The following MAEA variants were observed in gnomAD, a reference collection of about 807,000 sequenced individuals.
MAEA encodes E3 ubiquitin-protein transferase MAEA.
A neutral mutation model predicts 46.2 loss-of-function variants in MAEA; 22 were observed. The ratio of observed to expected loss-of-function variants is 0.48; its 90% CI spans 0.34 to 0.68. The LOEUF (loss-of-function observed/expected upper bound fraction) is 0.68. Among genes scored for constraint, MAEA ranks in the 30% least tolerant of loss-of-function variants. MAEA has a pLI of 0.01. For missense variants in MAEA, 393 were observed against 558.1 expected (o/e 0.70, Z 2.98); for synonymous variants, 246 against 222.6 (o/e 1.11, Z -0.94).
rs1017452694 is a variant in MAEA, at chr4:1,330,078, C to T, written c.656+2375C>T. 2.1e-5 allele frequency: 21 copies of T among 985,396 alleles called. No individual in the cohort carries two copies. The African/African-American group carries it at 3.0e-4, about 14-fold the overall frequency. 61.0% of individuals were successfully genotyped at this position (985,396 alleles called of 1,614,324 possible). ...TCGTTGGCTGGGGTGGCTGCAGCTC[C>T]GCCCTGCCTGGGGCATTTGTGGGTT... On this transcript the variant is annotated intron_variant, in intron 5 of 8. Coordinates refer to ENST00000303400, the MANE Select transcript of MAEA (RefSeq NM_001017405.3).
In MAEA at chr4:1,307,916, G is replaced by A. The variant is rs1735991813; in HGVS notation, c.70-4063G>A. ...AGTCTCCTCTGGAAACACCCGCACA[G>A]GCACACCCAGAAGTAATGCTTCACA... On this transcript the variant is annotated intron_variant, in intron 1 of 8. Transcript: ENST00000303400. 2.6e-5 allele frequency among the ~76,000 whole-genome samples: 4 copies of A among 152,090 alleles called. No individual in the cohort carries two copies. In the South Asian group the frequency reaches 8.3e-4, roughly 32 times the overall value.
rs1391911987 is a variant in MAEA, at chr4:1,325,313, G to A, written c.580-2314G>A. 3.3e-5 allele frequency among the ~76,000 whole-genome samples: 5 copies of A among 152,224 alleles called. No individual in the cohort carries two copies. In the South Asian group the frequency reaches 1.0e-3, roughly 31 times the overall value. ...TGATTTGTTTGCTGCACGTCTGTGC[G>A]AAAGCCACACGGAGCCATCAGTGTG... On this transcript the variant is annotated intron_variant, in intron 4 of 8. Transcript: ENST00000303400.
At chr4:1,328,334 G>A (rs924967917) in intron 5 of MAEA, among the ~76,000 whole-genome samples, 2 of 152,204 alleles carry the variant, frequency 1.3e-5, no homozygotes, top group African/African-American at 4.8e-5. Context: ...CTGGCTTCCC[G>A]CTGGCTCCCC....
chr4:1,328,059 G>A (rs6838028), intron 5 of MAEA, among the ~76,000 whole-genome samples: 1 of 152,256 alleles, frequency 6.6e-6, no homozygotes, highest in Non-Finnish European at 1.5e-5. Context: ...AGCCTCAGTA[G>A]ATGGGAGTGT....
intron 2 of MAEA, 48 bp from the exon 3 acceptor site, chr4:1,315,349 C>T (rs761531941): frequency 1.1e-5 from 17 of 1,560,146 alleles, no homozygotes; most frequent in South Asian, 2.2e-5. Context: ...TGGTGCAGGG[C>T]TGCGGGGCAT....
chr4:1,328,599 C>G (rs1739141476), intron 5 of MAEA: 1 of 1,210,824 alleles, frequency 8.3e-7, no homozygotes, highest in Admixed American at 3.0e-5. Context: ...TCCATGCCCA[C>G]AGAAACCCGA....
intron 1 of MAEA, among the ~76,000 whole-genome samples, chr4:1,301,698 A>G (rs1735334542): frequency 6.7e-6 from 1 of 149,590 alleles, no homozygotes; most frequent in Admixed American, 6.7e-5. Context: ...GACGCCCTAT[A>G]TGAATGAATG....
intron 2 of MAEA, among the ~76,000 whole-genome samples, chr4:1,312,759 C>T (rs1212049158): frequency 1.3e-5 from 2 of 152,122 alleles, no homozygotes; most frequent in Non-Finnish European, 2.9e-5. Flanking sequence ...AATTTCACCT[C>T]CAAGGAGCAT....
At chr4:1,294,225 C>G (rs1214774713) in intron 1 of MAEA, among the ~76,000 whole-genome samples, 1 of 152,222 alleles carries the variant, frequency 6.6e-6, no homozygotes, top group African/African-American at 2.4e-5. Flanking sequence ...CTCCACTCCC[C>G]TCGCCTCTCC....
intron 6 of MAEA, among the ~76,000 whole-genome samples, chr4:1,336,361 C>T (rs1047924400): frequency 1.3e-5 from 2 of 152,020 alleles, no homozygotes; most frequent in Non-Finnish European, 2.9e-5. Flanking sequence ...AGCACTCCCC[C>T]GACAGTGTGT....
intron 3 of MAEA, among the ~76,000 whole-genome samples, chr4:1,319,349 T>C (rs1737712179): frequency 6.6e-6 from 1 of 151,742 alleles, no homozygotes. Context: ...CAACACCCTG[T>C]CTCAAAACAA....
rs556245396 is a variant in MAEA, at chr4:1,321,834, G to T, written c.457-547G>T. Among the ~76,000 whole-genome samples the T allele has an allele frequency of 6.6e-5, 10 of 151,400 alleles. No individual in the cohort carries two copies. The South Asian group carries it at 2.1e-3, about 32-fold the overall frequency. ...CCCCCTGTGCCCGGCCACTAGCGGAGACTTGATGCTAAGCCTGGGTTACTC... is the reference window on the plus strand; with the variant it reads ...CCCCCTGTGCCCGGCCACTAGCGGATACTTGATGCTAAGCCTGGGTTACTC... On this transcript the variant is annotated intron_variant, in intron 3 of 8. Transcript: ENST00000303400.
chr4:1,294,075 C>G (rs899790005), intron 1 of MAEA, among the ~76,000 whole-genome samples: 2 of 152,244 alleles, frequency 1.3e-5, no homozygotes, highest in Admixed American at 6.5e-5. Flanking sequence ...GGCCGGGTCT[C>G]CACCTCTTCT....
At chr4:1,310,131 G>C in intron 1 of MAEA, 1 of 564,282 alleles carries the variant, frequency 1.8e-6, no homozygotes, top group Non-Finnish European at 2.3e-6. Flanking sequence ...CTGAGTATAT[G>C]CCTTGCGTCC....
At chr4:1,294,021 C>T (rs1734374515) in intron 1 of MAEA, among the ~76,000 whole-genome samples, 1 of 152,260 alleles carries the variant, frequency 6.6e-6, no homozygotes, top group South Asian at 2.1e-4. Context: ...TACTGACACA[C>T]ACATTGGGTT....
chr4:1,298,984 T>C (rs11939426), intron 1 of MAEA, among the ~76,000 whole-genome samples: 23,462 of 151,952 alleles, frequency 0.15, 3,493 homozygotes, highest in East Asian at 0.42. Context: ...TGGGCTCAGG[T>C]GATCTTCCTG....
chr4:1,297,569 C>T (rs927491341), intron 1 of MAEA, among the ~76,000 whole-genome samples: 1 of 151,406 alleles, frequency 6.6e-6, no homozygotes, highest in Non-Finnish European at 1.5e-5. Flanking sequence ...TTGTCCCTTG[C>T]CTGCCTGGTT....
chr4:1,330,310 T>TTCTCTCTCCCTCTCTCTC (rs1711524983), intron 5 of MAEA: 1 of 130,244 alleles, frequency 7.7e-6, no homozygotes, highest in Non-Finnish European at 1.5e-5. Context: ...TTCTGGGTGT[T>TTCTCTCTCCCTCTCTCTC]TCTCTCTCTC....
chr4:1,308,692 C>T (rs975933904), intron 1 of MAEA, among the ~76,000 whole-genome samples: 7 of 152,218 alleles, frequency 4.6e-5, no homozygotes, highest in African/African-American at 1.4e-4. Flanking sequence ...TGTCATGTGC[C>T]GCTTGGCCAT....
Sources: allele counts gnomAD v4.1 joint callset (sites outside exome capture counted in the v4.1 genomes callset), GRCh38; gene constraint gnomAD v4.1.1; transcripts MANE v1.5; gene names NCBI Gene and HGNC (gene_info 2026-07-23, HGNC 2026-07-21).